PKD1L1: variants seen among roughly 807,000 people sequenced by gnomAD.
PKD1L1 encodes the protein polycystin-1-like protein 1.
PKD1L1 carries 236 observed loss-of-function variants against 323.4 expected under a neutral mutation model. The ratio of observed to expected loss-of-function variants is 0.73; its 90% confidence interval spans 0.66 to 0.81. PKD1L1 has a LOEUF of 0.81. PKD1L1 is among the 40% of genes least tolerant of loss of function. PKD1L1 has a pLI of 0.00. For missense variants in PKD1L1, 3,320 were observed against 3,508.0 expected (o/e 0.95, Z 1.35); for synonymous variants, 1,344 against 1,335.0 (o/e 1.01, Z -0.15).
intron 52 of PKD1L1, among the ~76,000 whole-genome samples, chr7:47,807,511 C>T (rs1447742198): frequency 6.6e-6 from 1 of 152,106 alleles, no homozygotes; most frequent in African/African-American, 2.4e-5. Context: ...CCCTGACCAC[C>T]CTCTAGATGG....
chr7:47,929,855 G>A (rs929799369), intron 6 of PKD1L1, among the ~76,000 whole-genome samples: 1 of 152,196 alleles, frequency 6.6e-6, no homozygotes, highest in Non-Finnish European at 1.5e-5. Context: ...AACAGTAAAA[G>A]GTAGAGTTTC....
At chr7:47,778,937 G>A (rs1189189356) in intron 56 of PKD1L1, among the ~76,000 whole-genome samples, 2 of 152,146 alleles carry the variant, frequency 1.3e-5, no homozygotes, top group Non-Finnish European at 2.9e-5. Context: ...CGATCATATC[G>A]TTTTTAAAAA....
chr7:47,894,340 GTGCA>G (rs1684531645), intron 14 of PKD1L1, among the ~76,000 whole-genome samples: 1 of 152,146 alleles, frequency 6.6e-6, no homozygotes, highest in African/African-American at 2.4e-5. Context: ...CTTTCCATGT[GTGCA>G]CATTTTATAG....
intron 24 of PKD1L1, among the ~76,000 whole-genome samples, chr7:47,866,834 C>A (rs1293635042): frequency 6.6e-6 from 1 of 152,066 alleles, no homozygotes; most frequent in Non-Finnish European, 1.5e-5. Flanking sequence ...TTTATCAGAA[C>A]TAAAAAAGGC....
chr7:47,924,793 T>C (rs1787626679), intron 7 of PKD1L1, among the ~76,000 whole-genome samples: 1 of 152,236 alleles, frequency 6.6e-6, no homozygotes, highest in Admixed American at 6.5e-5. Flanking sequence ...TAGATCACTC[T>C]TATTACTTAT....
upstream of PKD1L1, among the ~76,000 whole-genome samples, chr7:47,952,346 G>C (rs1044552886): frequency 1.3e-5 from 2 of 152,196 alleles, no homozygotes; most frequent in Non-Finnish European, 1.5e-5. Flanking sequence ...CTCCAATGGG[G>C]CTGCTGATCA....
chr7:47,894,162 C>T, intron 14 of PKD1L1, 103 bp from the exon 15 acceptor site: 1 of 1,036,940 alleles, frequency 9.6e-7, no homozygotes. Context: ...CGACGAGTCT[C>T]AACGCATCCC....
intron 12 of PKD1L1, among the ~76,000 whole-genome samples, chr7:47,903,575 G>A (rs535737128): frequency 3.3e-5 from 5 of 152,354 alleles, no homozygotes; most frequent in African/African-American, 7.2e-5. Context: ...CCACCAAAGC[G>A]TGGAGAGGCT....
intron 31 of PKD1L1, among the ~76,000 whole-genome samples, chr7:47,848,897 C>G (rs2128740077): frequency 6.6e-6 from 1 of 152,276 alleles, no homozygotes; most frequent in East Asian, 1.9e-4. Flanking sequence ...CAAAGCAATA[C>G]TAAGCAAAAG....
chr7:47,787,956 TA>T (rs1405523303), intron 56 of PKD1L1, among the ~76,000 whole-genome samples: 2 of 152,092 alleles, frequency 1.3e-5, no homozygotes, highest in Non-Finnish European at 1.5e-5. Context: ...AGTGATCCTC[TA>T]GCCTCGGACT....
intron 19 of PKD1L1, among the ~76,000 whole-genome samples, chr7:47,882,480 A>G (rs1269876976): frequency 6.6e-6 from 1 of 152,110 alleles, no homozygotes; most frequent in Non-Finnish European, 1.5e-5. Context: ...AATAATATAA[A>G]CTCAGGTAAT....
intron 7 of PKD1L1, among the ~76,000 whole-genome samples, chr7:47,922,276 G>A (rs534917967): frequency 1.2e-3 from 186 of 152,260 alleles, no homozygotes; most frequent in African/African-American, 2.4e-3. Context: ...CTCCACCTCC[G>A]AGCCGCCTGC....
intron 31 of PKD1L1, among the ~76,000 whole-genome samples, chr7:47,847,973 GA>G (rs11424807): frequency 6.6e-6 from 1 of 151,748 alleles, no homozygotes; most frequent in South Asian, 2.1e-4. Flanking sequence ...ACAATTCACA[GA>G]AAAAAAGTGG....
At position 47,827,434 on chromosome 7, in the gene PKD1L1, C is replaced by T. The variant is rs759888931; in HGVS notation, c.6770G>A (p.Arg2257His). ...GGCCTTGGATGGTGGATGCGCCCAG[C>T]GCAGGTGGCGAGCTTGTTGTCGGGC... is the stretch of plus-strand genomic sequence containing the variant. ...LAARQQARHL[R>H]WAHPPSKAQL... Residue 2257 changes from arginine (R) to histidine (H), a missense_variant, in exon 45 of 57, where the codon CGC becomes CAC. Arg to His is a conservative substitution (Grantham distance 29, BLOSUM62 0). Transcript: ENST00000289672. 59 of 1,612,072 alleles carry T rather than the reference C, an allele frequency of 3.7e-5. No homozygotes were observed. The highest frequency in any genetic ancestry group is 2.0e-4 in the South Asian group (18 of 90,876).
intron 34 of PKD1L1, 108 bp downstream of exon 34, chr7:47,842,854 G>T: frequency 1.9e-6 from 2 of 1,051,788 alleles, no homozygotes; most frequent in Non-Finnish European, 2.7e-6. Context: ...AATGAGATGA[G>T]GCTGCTGTGA....
intron 46 of PKD1L1, chr7:47,818,189 G>C (rs909738947): frequency 8.8e-6 from 12 of 1,365,826 alleles, no homozygotes; most frequent in Non-Finnish European, 1.1e-5. Flanking sequence ...GAGATGGGAG[G>C]CATAAGGTGA....
chr7:47,880,383 G>A (rs566465920), intron 21 of PKD1L1, among the ~76,000 whole-genome samples: 89 of 145,028 alleles, frequency 6.1e-4, no homozygotes, highest in Non-Finnish European at 8.8e-4. Context: ...CTGGGTTCAC[G>A]CCATTCTCCT....
intron 43 of PKD1L1, 101 bp downstream of exon 43, chr7:47,829,938 TA>T: frequency 1.8e-6 from 2 of 1,105,848 alleles, no homozygotes; most frequent in Non-Finnish European, 2.7e-6. Context: ...AATCAGGGTA[TA>T]AAGAAAAGTC....
At chr7:47,824,907 T>C (rs1785212443) in intron 45 of PKD1L1, among the ~76,000 whole-genome samples, 1 of 152,228 alleles carries the variant, frequency 6.6e-6, no homozygotes, top group Non-Finnish European at 1.5e-5. Flanking sequence ...AATTGGTTTG[T>C]GTGTGGGTAT....
Sources: allele counts gnomAD v4.1 joint callset (sites outside exome capture counted in the v4.1 genomes callset), GRCh38; gene constraint gnomAD v4.1.1; transcripts MANE v1.5; gene names NCBI Gene and HGNC (gene_info 2026-07-23, HGNC 2026-07-21).